Variants in ZBTB1 observed in about 807,000 individuals in gnomAD.
The protein encoded by ZBTB1 is zinc finger and BTB domain-containing protein 1.
ZBTB1 carries 13 observed loss-of-function variants against 51.6 expected under a neutral mutation model. The ratio of observed to expected loss-of-function variants is 0.25; its 90% CI spans 0.16 to 0.40. The LOEUF (loss-of-function observed/expected upper bound fraction) is 0.40, where lower values mean the gene tolerates loss of function less well. Among genes scored for constraint, ZBTB1 ranks in the 10% least tolerant of loss-of-function variants. The pLI is 1.00. For synonymous variants in ZBTB1, 240 were observed against 282.2 expected (o/e 0.85, Z 1.50); for missense variants, 567 against 856.5 (o/e 0.66, Z 4.22).
At chr14:64,517,456 A>G (rs912989865) in intron 1 of ZBTB1, among the ~76,000 whole-genome samples, 5 of 152,094 alleles carry the variant, frequency 3.3e-5, no homozygotes, top group Admixed American at 2.0e-4. Context: ...TTATTAATAG[A>G]AAGTTTGGTT....
At chr14:64,517,645 G>T (rs1165710657) in intron 1 of ZBTB1, among the ~76,000 whole-genome samples, 1 of 150,686 alleles carries the variant, frequency 6.6e-6, no homozygotes, top group Non-Finnish European at 1.5e-5. Flanking sequence ...TTTGAATAAG[G>T]TTGTGGCGTG....
chr14:64,526,050 C>A (rs1216912238), downstream of ZBTB1, among the ~76,000 whole-genome samples: 2 of 152,090 alleles, frequency 1.3e-5, no homozygotes, highest in Admixed American at 1.3e-4. Flanking sequence ...GAACTCCTGA[C>A]CTCGTGATCC....
At chr14:64,517,756 AATATAT>A (rs71444661) in intron 1 of ZBTB1, among the ~76,000 whole-genome samples, 24,711 of 60,558 alleles carry the variant, frequency 0.41, 5,511 homozygotes, top group Admixed American at 0.55. Flanking sequence ...GCCATTTAGA[AATATAT>A]ATATATATAT....
chr14:64,513,455 C>T (rs2079747844), intron 1 of ZBTB1, among the ~76,000 whole-genome samples: 1 of 152,110 alleles, frequency 6.6e-6, no homozygotes, highest in South Asian at 2.1e-4. Context: ...GTTACATTTC[C>T]AGCCAAGCTG....
intron 1 of ZBTB1, among the ~76,000 whole-genome samples, chr14:64,506,631 A>G (rs1469919764): frequency 2.0e-5 from 3 of 152,230 alleles, no homozygotes; most frequent in Non-Finnish European, 4.4e-5. Flanking sequence ...TCTACAGTAG[A>G]GTCTTCAGTT....
At chr14:64,506,808 G>A (rs2079664968) in intron 1 of ZBTB1, among the ~76,000 whole-genome samples, 1 of 152,178 alleles carries the variant, frequency 6.6e-6, no homozygotes, top group Admixed American at 6.5e-5. Context: ...AGGGACTGGT[G>A]TATCATTGTC....
Position 64,521,723 on chromosome 14 carries a change from A to T in ZBTB1, c.219A>T (p.Glu73Asp). 1 of 1,613,990 alleles carries T rather than the reference A, an allele frequency of 6.2e-7. No individual in the cohort carries two copies. The highest frequency in any genetic ancestry group is 2.2e-5 in the East Asian group (1 of 44,884). Residue 73 changes from glutamate to aspartate, a missense_variant, in exon 2 of 2, where the codon GAA becomes GAT. Transcript: ENST00000683701. ...TCAGCAACATGAAAATTAGTGCAGA[A>T]TGTTTTGATCTCATTTTGCAGTTTA... ...LNLSNMKISA[E>D]CFDLILQFMY... is the part of the protein sequence containing the mutation.
In ZBTB1 at chr14:64,522,536, T is replaced by C; in HGVS notation, c.1032T>C (p.Ile344=). 6.2e-7 allele frequency: 1 copy of C among 1,613,968 alleles called. No homozygotes were observed. Among genetic ancestry groups the C allele is most frequent in the Non-Finnish European group, 8.5e-7 (1 of 1,179,972 alleles). The change falls in exon 2 of 2, where the codon ATT becomes ATC. Residue 344 remains isoleucine, a synonymous_variant. Coordinates refer to ENST00000683701, the MANE Select transcript of ZBTB1 (RefSeq NM_001123329.2). ...CAGATGAACTGAAAGACTTTAACATTATTAAAGTTACTGATAAAGACTGTA... is the reference window on the plus strand; with the variant it reads ...CAGATGAACTGAAAGACTTTAACATCATTAAAGTTACTGATAAAGACTGTA... The part of the protein sequence containing the change: ...IPTDELKDFN[I]IKVTDKDCNE...
Position 64,522,038 on chromosome 14 carries a change from G to A in ZBTB1, c.534G>A (p.Glu178=), listed in dbSNP as rs763199349. 1 of 1,614,208 alleles carries A rather than the reference G, an allele frequency of 6.2e-7. No individual in the cohort carries two copies. Among genetic ancestry groups the A allele is most frequent in the Admixed American group, 1.7e-5 (1 of 60,034 alleles). Residue 178 remains glutamate (E), a synonymous_variant, in exon 2 of 2, where the codon GAG becomes GAA. Coordinates refer to ENST00000683701, the MANE Select transcript of ZBTB1 (RefSeq NM_001123329.2). ...NTPHNREADE[E]SLQLGNFPEP... Reference sequence around the variant, plus strand: ...CACATAATAGAGAGGCTGATGAAGAGTCTTTACAATTAGGTAATTTTCCTG... The same window carrying A: ...CACATAATAGAGAGGCTGATGAAGAATCTTTACAATTAGGTAATTTTCCTG...
At chr14:64,510,518 ATGATATC>A (rs1307147343) in intron 1 of ZBTB1, among the ~76,000 whole-genome samples, 1 of 152,212 alleles carries the variant, frequency 6.6e-6, no homozygotes, top group African/African-American at 2.4e-5. Flanking sequence ...TGATTTTTAA[ATGATATC>A]TGGGAGGTTC....
Position 64,521,606 on chromosome 14 carries a change from C to T in ZBTB1, c.102C>T (p.Tyr34=). Residue 34 remains tyrosine (Y), a synonymous_variant, in exon 2 of 2, where the codon TAC becomes TAT. Coordinates refer to ENST00000683701, the MANE Select transcript of ZBTB1 (RefSeq NM_001123329.2). ...CDCCIAIDDI[Y]FQAHKAVLAA... ...GCTGTATTGCAATTGATGACATTTA[C>T]TTTCAAGCACACAAGGCAGTTCTAG... 1.9e-6 allele frequency: 3 copies of T among 1,614,226 alleles called. No individual in the cohort carries two copies. The highest frequency in any genetic ancestry group is 2.5e-6 in the Non-Finnish European group (3 of 1,180,040).
rs368127434 is a variant in ZBTB1, at chr14:64,522,655, G to A, written c.1151G>A (p.Gly384Asp). 1.9e-6 allele frequency: 3 copies of A among 1,614,122 alleles called. No individual in the cohort carries two copies. Among genetic ancestry groups the A allele is most frequent in the Non-Finnish European group, 2.5e-6 (3 of 1,180,006 alleles). The change falls in exon 2 of 2, where the codon GGT becomes GAT. Residue 384 changes from glycine (G) to aspartate (D), a missense_variant. By Grantham distance (94) the Gly-to-Asp change is moderately conservative. Coordinates refer to ENST00000683701, the MANE Select transcript of ZBTB1 (RefSeq NM_001123329.2). ...VEEDVSIKKS[G>D]RKTLKPRMSV... Reference sequence around the variant, plus strand: ...GAAGATGTCAGCATAAAAAAAAGTGGTAGGAAAACTCTAAAACCTCGAATG... The same window carrying A: ...GAAGATGTCAGCATAAAAAAAAGTGATAGGAAAACTCTAAAACCTCGAATG...
At chr14:64,506,350 T>C (rs1479028840) in intron 1 of ZBTB1, among the ~76,000 whole-genome samples, 1 of 152,222 alleles carries the variant, frequency 6.6e-6, no homozygotes, top group East Asian at 1.9e-4. Flanking sequence ...CTGGCCAACA[T>C]GGCGAAACCC....
chr14:64,511,461 A>G (rs73267744), intron 1 of ZBTB1: 1 of 152,102 alleles, frequency 6.6e-6, no homozygotes, highest in Non-Finnish European at 1.5e-5. Context: ...TTGGTTGGCA[A>G]CCTCAGCTAT....
At chr14:64,505,077 G>T (rs1303423712) in intron 1 of ZBTB1, 131 bp downstream of exon 1, 1 of 362,554 alleles carries the variant, frequency 2.8e-6, no homozygotes, top group East Asian at 4.1e-5. Context: ...CGCGGCGGAC[G>T]CGCTGCGAGG....
chr14:64,521,780 C>T lies in ZBTB1; in HGVS notation c.276C>T (p.Ser92=), dbSNP rs772785108. The T allele has an allele frequency of 3.1e-6, 5 of 1,611,664 alleles. No homozygotes were observed. The East Asian group carries it at 1.1e-4, about 36-fold the overall frequency. The part of the protein sequence containing the change: ...MYLGKIMTAP[S]SFEQFKVAMN... ...TAGGAAAAATTATGACAGCTCCCTC[C>T]AGTTTTGAGCAGTTTAAAGTGGCAA... The change falls in exon 2 of 2, where the codon TCC becomes TCT. Residue 92 remains serine (S), a synonymous_variant. Coordinates refer to ENST00000683701, the MANE Select transcript of ZBTB1 (RefSeq NM_001123329.2).
chr14:64,513,070 G>A (rs1295454263), intron 1 of ZBTB1, among the ~76,000 whole-genome samples: 1 of 152,020 alleles, frequency 6.6e-6, no homozygotes, highest in African/African-American at 2.4e-5. Context: ...GGTTTGTTAC[G>A]AGGATTAAAT....
intron 1 of ZBTB1, among the ~76,000 whole-genome samples, chr14:64,505,678 C>G (rs116324696): frequency 0.011 from 1,750 of 152,236 alleles, 34 homozygotes; most frequent in African/African-American, 0.04. Context: ...ACCTAAGCAA[C>G]GCGTGTACAT....
intron 1 of ZBTB1, among the ~76,000 whole-genome samples, chr14:64,510,264 G>C (rs1011812090): frequency 3.9e-5 from 6 of 152,184 alleles, no homozygotes; most frequent in African/African-American, 1.4e-4. Flanking sequence ...CCTTCTTAGA[G>C]AATTGAAGCA....
Sources: gnomAD v4.1 joint callset for allele counts (sites outside exome capture counted in the v4.1 genomes callset) on GRCh38, gnomAD v4.1.1 for gene constraint, MANE v1.5 for transcripts, NCBI Gene and HGNC (gene_info 2026-07-23, HGNC 2026-07-21) for gene names.